DENND1A: variants seen among roughly 807,000 people sequenced by gnomAD.
DENND1A encodes DENN domain-containing protein 1A.
Under a neutral mutation model 113.7 loss-of-function variants are expected in DENND1A, and 51 were observed. The ratio of observed to expected loss-of-function variants is 0.45; its 90% CI spans 0.36 to 0.57. DENND1A has a LOEUF of 0.57. DENND1A is among the 20% of genes least tolerant of loss of function. DENND1A has a pLI of 0.00. For missense variants in DENND1A, 1,258 were observed against 1,395.9 expected (o/e 0.90, Z 1.57); for synonymous variants, 565 against 570.8 (o/e 0.99, Z 0.14).
At chr9:123,888,547 A>G (rs565417976) in intron 1 of DENND1A, among the ~76,000 whole-genome samples, 1 of 152,344 alleles carries the variant, frequency 6.6e-6, no homozygotes, top group South Asian at 2.1e-4. Context: ...GACCGCAAAG[A>G]GCAGGGCACA....
intron 10 of DENND1A, among the ~76,000 whole-genome samples, chr9:123,616,229 C>T (rs1185279722): frequency 1.3e-5 from 2 of 152,180 alleles, no homozygotes; most frequent in African/African-American, 4.8e-5. Flanking sequence ...TGTGCCTGGC[C>T]ATTTTATAGA....
intron 9 of DENND1A, among the ~76,000 whole-genome samples, chr9:123,642,207 A>G (rs2062068357): frequency 6.6e-6 from 1 of 152,352 alleles, no homozygotes; most frequent in East Asian, 1.9e-4. Flanking sequence ...TAAATGAAGA[A>G]TATAGTTCAA....
chr9:123,811,541 C>T (rs954564973), intron 2 of DENND1A, among the ~76,000 whole-genome samples: 2 of 152,172 alleles, frequency 1.3e-5, no homozygotes, highest in Non-Finnish European at 2.9e-5. Context: ...GGGCAGATCA[C>T]AAGGTCAGGA....
chr9:123,850,702 T>G (rs548191931), intron 2 of DENND1A, among the ~76,000 whole-genome samples: 2 of 152,144 alleles, frequency 1.3e-5, no homozygotes, highest in Admixed American at 6.5e-5. Flanking sequence ...ATCTGTAAAA[T>G]TGAGACAGTA....
At chr9:123,513,171 T>C (rs1422069299) in intron 13 of DENND1A, among the ~76,000 whole-genome samples, 1 of 152,166 alleles carries the variant, frequency 6.6e-6, no homozygotes. Flanking sequence ...GTGGAAGGGC[T>C]CCTCTGTTGA....
At chr9:123,615,031 C>T (rs2137942369) in intron 10 of DENND1A, among the ~76,000 whole-genome samples, 1 of 152,274 alleles carries the variant, frequency 6.6e-6, no homozygotes, top group South Asian at 2.1e-4. Context: ...GAACAGACAC[C>T]AGAGAACATA....
chr9:123,569,141 T>C (rs537947021), intron 12 of DENND1A, among the ~76,000 whole-genome samples: 12 of 152,344 alleles, frequency 7.9e-5, no homozygotes, highest in African/African-American at 2.9e-4. Flanking sequence ...AAATCTTTGT[T>C]ACGACAAATA....
intron 5 of DENND1A, among the ~76,000 whole-genome samples, chr9:123,687,513 G>A (rs2064884406): frequency 6.6e-6 from 1 of 152,182 alleles, no homozygotes; most frequent in Non-Finnish European, 1.5e-5. Flanking sequence ...CCCTGTGCAA[G>A]GAACATTAAA....
intron 3 of DENND1A, among the ~76,000 whole-genome samples, chr9:123,778,509 C>T (rs565674233): frequency 2.4e-4 from 36 of 152,278 alleles, no homozygotes; most frequent in African/African-American, 7.7e-4. Context: ...TGAGCTTATC[C>T]TATGAAATTT....
At position 123,382,348 on chromosome 9, in the gene DENND1A, C is replaced by G; in HGVS notation, c.2297G>C (p.Arg766Thr). ...CACGATGCCCAGCTCTGGGGTCTTC[C>G]TGCCTTGGGGCCGGGGGATGGTGAT... ...GSITIPRPQGRKTPELGIVPP... is the reference protein window; with the variant it reads ...GSITIPRPQGTKTPELGIVPP... Residue 766 changes from arginine (R) to threonine (T), a missense_variant, in exon 24 of 24, where the codon AGG becomes ACG. By Grantham distance (71) the Arg-to-Thr change is moderately conservative. Around this residue, in one of 2 missense-constraint regions of DENND1A, gnomAD observed 1,159 missense variants for 1,231.7 expected, o/e 0.94. Transcript: ENST00000394215. 1.9e-6 allele frequency: 3 copies of G among 1,604,334 alleles called. No individual in the cohort carries two copies. The highest frequency in any genetic ancestry group is 2.6e-6 in the Non-Finnish European group (3 of 1,175,482).
Position 123,454,678 on chromosome 9 carries a change from G to A in DENND1A, c.1227+61C>T, listed in dbSNP as rs367776326. Reference sequence around the variant, plus strand: ...GATGGAAGGGGAAGCACAGGGAAGCGGAAGGCTGCCAGGAAGCTAAGGAGG... The same window carrying A: ...GATGGAAGGGGAAGCACAGGGAAGCAGAAGGCTGCCAGGAAGCTAAGGAGG... On this transcript the variant is annotated intron_variant, in intron 16 of 23. Coordinates refer to ENST00000394215, the MANE Select transcript of DENND1A (RefSeq NM_001352964.2). The A allele has an allele frequency of 2.7e-5, 40 of 1,508,194 alleles. No homozygotes were observed. The East Asian group carries it at 6.1e-4, about 23-fold the overall frequency. 93.4% of individuals were successfully genotyped at this position (1,508,194 alleles called of 1,614,324 possible). A position where few individuals can be genotyped will look rare whatever the true frequency, so the allele number is the denominator to read the frequency against.
intron 1 of DENND1A, among the ~76,000 whole-genome samples, chr9:123,885,839 G>C (rs1182925028): frequency 6.6e-6 from 1 of 152,022 alleles, no homozygotes; most frequent in African/African-American, 2.4e-5. Flanking sequence ...GAGTGCAGTG[G>C]CATGATCTCA....
At chr9:123,675,365 G>T (rs1365412869) in intron 6 of DENND1A, among the ~76,000 whole-genome samples, 1 of 152,102 alleles carries the variant, frequency 6.6e-6, no homozygotes, top group Non-Finnish European at 1.5e-5. Flanking sequence ...GGCGACCCAG[G>T]TTTCTCCAAT....
At chr9:123,636,159 C>T (rs2061687965) in intron 9 of DENND1A, among the ~76,000 whole-genome samples, 1 of 152,164 alleles carries the variant, frequency 6.6e-6, no homozygotes, top group Admixed American at 6.5e-5. Context: ...GGAACCACCA[C>T]TTTTAGGTCA....
chr9:123,390,846 C>T lies in DENND1A; in HGVS notation c.1632-2988G>A, dbSNP rs138281267. 1.4e-4 allele frequency among the ~76,000 whole-genome samples: 22 copies of T among 152,390 alleles called. No homozygotes were observed. The East Asian group carries it at 2.5e-3, about 17-fold the overall frequency. ...GAGGGAGGCTCTCCAGTCGCCCTCA[C>T]GTCCACCTTGGTTGCCTTTCCGACA... is the stretch of plus-strand genomic sequence containing the variant. On this transcript the variant is annotated intron_variant, in intron 21 of 23. Transcript: ENST00000394215.
intron 17 of DENND1A, among the ~76,000 whole-genome samples, 191 bp from the exon 18 acceptor site, chr9:123,450,940 G>C (rs558884458): frequency 6.6e-6 from 1 of 152,034 alleles, no homozygotes; most frequent in Non-Finnish European, 1.5e-5. Flanking sequence ...AACCCTTAAA[G>C]AGGCTGCAGA....
Position 123,774,333 on chromosome 9 carries a change from C to T in DENND1A, c.133-4770G>A, listed in dbSNP as rs190995368. 6.2e-4 allele frequency among the ~76,000 whole-genome samples: 94 copies of T among 152,260 alleles called. 2 individuals are homozygous for T. The highest frequency in any genetic ancestry group is 9.0e-4 in the Non-Finnish European group (61 of 68,010). On this transcript the variant is annotated intron_variant, in intron 3 of 23. Coordinates refer to ENST00000394215, the MANE Select transcript of DENND1A (RefSeq NM_001352964.2). ...ACAAAATTTCTACCTTAAGCCATTT[C>T]AAGTTAAAACCAGGGGCTTCCAGTG...
At chr9:123,731,370 T>A (rs559603145) in intron 5 of DENND1A, among the ~76,000 whole-genome samples, 1 of 152,282 alleles carries the variant, frequency 6.6e-6, no homozygotes, top group South Asian at 2.1e-4. Context: ...CGCAGAACAA[T>A]GGAACAGAAT....
chr9:123,888,561 T>C (rs770341631), intron 1 of DENND1A, among the ~76,000 whole-genome samples: 1 of 152,202 alleles, frequency 6.6e-6, no homozygotes, highest in African/African-American at 2.4e-5. Context: ...GGGCACACCA[T>C]CACTGCTGCG....
Sources: allele counts gnomAD v4.1 joint callset (sites outside exome capture counted in the v4.1 genomes callset), GRCh38; gene constraint gnomAD v4.1.1; regional missense constraint gnomAD v4.1.1; transcripts MANE v1.5; gene names NCBI Gene and HGNC (gene_info 2026-07-23, HGNC 2026-07-21).